FCER1A: variants seen among roughly 807,000 people sequenced by gnomAD.
FCER1A encodes the protein high affinity immunoglobulin epsilon receptor subunit alpha.
In FCER1A, 24 loss-of-function variants were observed where a neutral mutation model predicts 23.6. The observed-to-expected ratio is 1.02, with a 90% confidence interval of 0.74 to 1.43. The LOEUF (loss-of-function observed/expected upper bound fraction) is 1.43, where lower values mean the gene tolerates loss of function less well. FCER1A is among the 40% of genes most tolerant of loss of function. The pLI is 0.00. For synonymous variants in FCER1A, 121 were observed against 108.8 expected (o/e 1.11, Z -0.70); for missense variants, 318 against 294.5 (o/e 1.08, Z -0.58).
At chr1:159,302,974 C>A in intron 2 of FCER1A, 100 bp downstream of exon 2, 2 of 1,160,602 alleles carry the variant, frequency 1.7e-6, no homozygotes, top group Non-Finnish European at 2.6e-6. Flanking sequence ...TTCTAATGAG[C>A]ATGAATCTGT....
chr1:159,297,916 C>T (rs896911605), upstream of FCER1A, among the ~76,000 whole-genome samples: 2 of 152,114 alleles, frequency 1.3e-5, no homozygotes, highest in Non-Finnish European at 2.9e-5. Flanking sequence ...TTTTATACTA[C>T]AACTTTCCTT....
upstream of FCER1A, among the ~76,000 whole-genome samples, chr1:159,286,430 T>C (rs545817829): frequency 4.0e-5 from 6 of 151,802 alleles, no homozygotes; most frequent in South Asian, 4.2e-4. Context: ...CCTCCCGGGT[T>C]CATGCCATTC....
chr1:159,302,765 T>G (rs977300400), intron 1 of FCER1A, 89 bp from the exon 2 acceptor site: 3 of 1,190,050 alleles, frequency 2.5e-6, no homozygotes, highest in Admixed American at 1.7e-5. Context: ...ATTCCATGGA[T>G]GTAGATCTTA....
At chr1:159,285,210 G>A (rs558918473), upstream of FCER1A, among the ~76,000 whole-genome samples, 1 of 152,136 alleles carries the variant, frequency 6.6e-6, no homozygotes, top group Non-Finnish European at 1.5e-5. Context: ...TTTTCCCACT[G>A]TATTGGAAAA....
rs369151367 is a variant in FCER1A at position 159,292,057 on chromosome 1, G to A, written c.-60+2304G>A. On this transcript the variant is annotated intron_variant, in intron 1 of 5. Transcript: ENST00000368115. ...CTCTAGCCTCTGTTCTGGGTCTTCT[G>A]ATACTCATCTTCAAGATATTGAAAT... 2.4e-4 allele frequency among the ~76,000 whole-genome samples: 36 copies of A among 152,116 alleles called. No homozygotes were observed. In the South Asian group the frequency reaches 7.3e-3, roughly 31 times the overall value.
At chr1:159,288,169 G>A (rs1326719496), upstream of FCER1A, among the ~76,000 whole-genome samples, 5 of 152,108 alleles carry the variant, frequency 3.3e-5, no homozygotes, top group Non-Finnish European at 5.9e-5. Context: ...AGAAATGACT[G>A]GTCTGGTACA....
Position 159,306,075 on chromosome 1 carries a change from T to C in FCER1A, c.419T>C (p.Val140Ala), listed in dbSNP as rs1557970401. ...TGCCATGGTTGGAGGAACTGGGATG[T>C]GTACAAGGTGATCTATTATAAGGAT... ...LRCHGWRNWD[V>A]YKVIYYKDGE... Residue 140 changes from valine to alanine, a missense_variant, in exon 4 of 5, where the codon GTG (valine) becomes GCG (alanine). Coordinates refer to ENST00000693622, the MANE Select transcript of FCER1A (RefSeq NM_001387280.1). 1.2e-6 allele frequency: 2 copies of C among 1,614,036 alleles called. No homozygotes were observed. The highest frequency in any genetic ancestry group is 1.7e-5 in the Admixed American group (1 of 60,004).
upstream of FCER1A, among the ~76,000 whole-genome samples, chr1:159,286,150 A>C (rs1652010267): frequency 6.6e-6 from 1 of 151,910 alleles, no homozygotes; most frequent in Non-Finnish European, 1.5e-5. Context: ...AGATCATGCC[A>C]CTGCACTCCA....
At chr1:159,284,505 C>T in the FCER1A span, among the ~76,000 whole-genome samples, 1 of 152,216 alleles carries the variant, frequency 6.6e-6, no homozygotes, top group African/African-American at 2.4e-5. Flanking sequence ...GGGCCTTCAA[C>T]CCAAACTAAG....
upstream of FCER1A, among the ~76,000 whole-genome samples, chr1:159,289,141 C>T (rs1652086275): frequency 6.6e-6 from 1 of 152,166 alleles, no homozygotes; most frequent in African/African-American, 2.4e-5. Context: ...CTTTCTTTGA[C>T]TTCCACTTTC....
chr1:159,283,950 G>A, the FCER1A span, among the ~76,000 whole-genome samples: 10 of 152,154 alleles, frequency 6.6e-5, no homozygotes, highest in Non-Finnish European at 1.5e-4. Flanking sequence ...AGAAATGTGG[G>A]TCGCTGATGA....
chr1:159,294,310 GA>G (rs750560183), intron 1 of FCER1A, among the ~76,000 whole-genome samples: 30 of 152,134 alleles, frequency 2.0e-4, no homozygotes, highest in Non-Finnish European at 3.8e-4. Flanking sequence ...CAAAGACTTG[GA>G]ACCTTCTCTT....
At chr1:159,287,044 A>G (rs1009600860), upstream of FCER1A, among the ~76,000 whole-genome samples, 2 of 152,222 alleles carry the variant, frequency 1.3e-5, no homozygotes, top group African/African-American at 4.8e-5. Flanking sequence ...ATGATGCACA[A>G]TTGAAAAATC....
In FCER1A at chr1:159,302,777, C is replaced by T. The variant is rs1571080695; in HGVS notation, c.56-77C>T. 10 of 1,304,826 alleles carry T rather than the reference C, an allele frequency of 7.7e-6. No individual in the cohort carries two copies. The South Asian group carries it at 9.4e-5, about 12-fold the overall frequency. The allele number at this position is 1,304,826 out of a possible 1,614,324, so 80.8% of individuals were successfully genotyped here. On this transcript the variant is annotated intron_variant, in intron 1 of 4. Transcript: ENST00000693622. Reference sequence around the variant, plus strand: ...AAAATTCCATGGATGTAGATCTTATCCCCACACCCAGATTCTAGTCCTCTG... The same window carrying T: ...AAAATTCCATGGATGTAGATCTTATTCCCACACCCAGATTCTAGTCCTCTG...
At chr1:159,301,924 GATT>G (rs1428966768), upstream of FCER1A, among the ~76,000 whole-genome samples, 3 of 152,240 alleles carry the variant, frequency 2.0e-5, no homozygotes, top group East Asian at 3.9e-4. Context: ...TACTTTATAG[GATT>G]ATTGTGAAAA....
Position 159,307,966 on chromosome 1 carries a change from T to C in FCER1A, c.*34T>C, listed in dbSNP as rs1652667665. On this transcript the variant is annotated 3_prime_UTR_variant, in exon 5 of 5. Transcript: ENST00000693622. ...CTCAAGAAATATTTGCAACATTAGT[T>C]TTTTTCCAGCATCAGCAATTGCTAC... 1 of 1,524,052 alleles carries C rather than the reference T, an allele frequency of 6.6e-7. No homozygotes were observed. The allele number at this position is 1,524,052 out of a possible 1,614,324, so 94.4% of individuals were successfully genotyped here.
rs1053043154 is a variant in FCER1A, at chr1:159,308,157, A to G, written c.*225A>G. 5.3e-5 allele frequency: 22 copies of G among 418,000 alleles called. No individual in the cohort carries two copies. The highest frequency in any genetic ancestry group is 7.6e-5 in the Non-Finnish European group (18 of 235,348). The allele number at this position is 418,000 out of a possible 1,614,324, so 25.9% of individuals were successfully genotyped here. A position where few individuals can be genotyped will look rare whatever the true frequency, so the allele number is the denominator to read the frequency against. Reference sequence around the variant, plus strand: ...AGAATGAATAGATTCATTTATTAGCATTTGTAAAAGAGATGTTCAATTTCA... The same window carrying G: ...AGAATGAATAGATTCATTTATTAGCGTTTGTAAAAGAGATGTTCAATTTCA... On this transcript the variant is annotated 3_prime_UTR_variant, in exon 5 of 5. Transcript: ENST00000693622.
chr1:159,286,841 T>C (rs1347091402), upstream of FCER1A, among the ~76,000 whole-genome samples: 1 of 152,206 alleles, frequency 6.6e-6, no homozygotes, highest in East Asian at 1.9e-4. Context: ...AAAGAAACTA[T>C]TCTGACTACA....
At chr1:159,297,370 T>C (rs80022888), upstream of FCER1A, among the ~76,000 whole-genome samples, 5,511 of 152,230 alleles carry the variant, frequency 0.036, 113 homozygotes, top group Middle Eastern at 0.092. Flanking sequence ...GCCTTCCAGG[T>C]TCTTCATCCT....
Sources: allele counts gnomAD v4.1 joint callset (sites outside exome capture counted in the v4.1 genomes callset), GRCh38; gene constraint gnomAD v4.1.1; transcripts MANE v1.5; gene names NCBI Gene and HGNC (gene_info 2026-07-23, HGNC 2026-07-21).